The following TRPM6 variants were observed in gnomAD, a reference collection of about 807,000 sequenced individuals.
TRPM6 encodes the protein channel kinase 2.
A neutral mutation model predicts 247.6 loss-of-function variants in TRPM6; 111 were observed. That is an observed-to-expected ratio of 0.45 (90% CI 0.38 to 0.52). TRPM6 has a LOEUF of 0.52. TRPM6 is among the 20% of genes least tolerant of loss of function. The pLI is 0.00. For synonymous variants in TRPM6, 892 were observed against 853.8 expected (o/e 1.04, Z -0.78); for missense variants, 2,126 against 2,421.5 (o/e 0.88, Z 2.56).
chr9:74,875,508 A>C (rs961878186), intron 1 of TRPM6, among the ~76,000 whole-genome samples: 1 of 152,110 alleles, frequency 6.6e-6, no homozygotes, highest in Non-Finnish European at 1.5e-5. Flanking sequence ...GTGCCACTGC[A>C]CTCCAGCCTG....
intron 1 of TRPM6, chr9:74,887,364 T>G (rs1831569442): frequency 4.3e-6 from 6 of 1,390,808 alleles, no homozygotes; most frequent in Non-Finnish European, 5.6e-6. Context: ...CCCCGGCTAG[T>G]CAGCGTCCGG....
At chr9:74,870,752 C>T (rs1830996801) in intron 1 of TRPM6, among the ~76,000 whole-genome samples, 1 of 151,964 alleles carries the variant, frequency 6.6e-6, no homozygotes, top group African/African-American at 2.4e-5. Flanking sequence ...GGTGAAACCC[C>T]ATCTCTACTA....
rs533001944 is a variant in TRPM6 at position 74,725,098 on chromosome 9, G to C, written c.5936-352C>G. 2.0e-5 allele frequency among the ~76,000 whole-genome samples: 3 copies of C among 152,242 alleles called. No homozygotes were observed. The East Asian group carries it at 5.8e-4, about 29-fold the overall frequency. The stretch of plus-strand genomic sequence containing the variant: ...CTGAATGACAGGCAGAGGCAGAGAG[G>C]TCAGCCAAGAAGGCTGACTCCTCAT... On this transcript the variant is annotated intron_variant, in intron 38 of 38. Transcript: ENST00000360774.
At chr9:74,765,718 C>A (rs983793255) in intron 25 of TRPM6, among the ~76,000 whole-genome samples, 2 of 152,136 alleles carry the variant, frequency 1.3e-5, no homozygotes, top group African/African-American at 4.8e-5. Flanking sequence ...AAGCACTTCC[C>A]AAAATAGTGT....
intron 13 of TRPM6, among the ~76,000 whole-genome samples, chr9:74,809,867 C>T (rs1828663381): frequency 1.4e-5 from 2 of 146,404 alleles, no homozygotes; most frequent in South Asian, 4.4e-4. Context: ...GTAGTCCCAG[C>T]TATTCAGGAG....
At chr9:74,826,474 G>A (rs1378011945) in intron 7 of TRPM6, among the ~76,000 whole-genome samples, 2 of 152,184 alleles carry the variant, frequency 1.3e-5, no homozygotes, top group Non-Finnish European at 2.9e-5. Context: ...TTTTGTGGAA[G>A]ATTTAATTCG....
chr9:74,770,780 T>C (rs79476034), intron 25 of TRPM6, among the ~76,000 whole-genome samples: 16,339 of 152,202 alleles, frequency 0.11, 981 homozygotes, highest in South Asian at 0.23. Flanking sequence ...CCTCCACTCC[T>C]GAGTTTCTCC....
intron 25 of TRPM6, among the ~76,000 whole-genome samples, chr9:74,769,835 T>C (rs186314431): frequency 6.1e-4 from 86 of 139,854 alleles, no homozygotes; most frequent in Middle Eastern, 4.2e-3. Context: ...TTCAGTAAAT[T>C]TGCCTGTGTC....
intron 1 of TRPM6, among the ~76,000 whole-genome samples, chr9:74,862,110 A>AAAAAAAAAAAAAAAAC (rs1830706612): frequency 6.6e-6 from 1 of 151,678 alleles, no homozygotes. Flanking sequence ...AAAAAAAAAA[A>AAAAAAAAAAAAAAAAC]AAAAAAAGCA....
chr9:74,735,372 T>G (rs187349631), intron 36 of TRPM6, among the ~76,000 whole-genome samples: 130 of 152,300 alleles, frequency 8.5e-4, no homozygotes, highest in African/African-American at 2.4e-3. Context: ...CAACCCTTTA[T>G]GAGGAACTCA....
At chr9:74,764,305 T>C (rs1031256031) in intron 25 of TRPM6, among the ~76,000 whole-genome samples, 1 of 152,112 alleles carries the variant, frequency 6.6e-6, no homozygotes, top group Non-Finnish European at 1.5e-5. Context: ...CAGATATTGA[T>C]AGAGTAATCA....
intron 7 of TRPM6, among the ~76,000 whole-genome samples, chr9:74,824,560 C>T (rs1318753777): frequency 1.3e-5 from 1 of 78,682 alleles, no homozygotes; most frequent in Non-Finnish European, 3.0e-5. Flanking sequence ...TACTGATACA[C>T]TAATAAAAAT....
At chr9:74,755,263 G>T in intron 28 of TRPM6, 90 bp downstream of exon 28, 1 of 1,349,806 alleles carries the variant, frequency 7.4e-7, no homozygotes, top group South Asian at 1.2e-5. Context: ...CCATGTGAAA[G>T]AACAGGAGGA....
chr9:74,807,773 G>C (rs1412822238), intron 14 of TRPM6, among the ~76,000 whole-genome samples: 2 of 152,074 alleles, frequency 1.3e-5, no homozygotes, highest in African/African-American at 4.8e-5. Context: ...TGTCACTATA[G>C]CATGTATTAT....
chr9:74,750,502 TGGA>T (rs1047154650), intron 30 of TRPM6, among the ~76,000 whole-genome samples, 159 bp downstream of exon 30: 5 of 152,222 alleles, frequency 3.3e-5, no homozygotes, highest in Non-Finnish European at 5.9e-5. Context: ...CAGGAAAACT[TGGA>T]GAAGAAATCA....
chr9:74,860,336 ATTTATTTTTATTTT>A (rs1175425632), intron 1 of TRPM6, among the ~76,000 whole-genome samples: 1 of 151,866 alleles, frequency 6.6e-6, no homozygotes, highest in Non-Finnish European at 1.5e-5. Context: ...TTATTTATTT[ATTTATTTTTATTTT>A]TTTATTTTTT....
rs754117417 is a variant in TRPM6, at chr9:74,796,729, T to G, written c.2391+12A>C. ...ACAATGAAAATTCAGTTCATTATGATTTTGCACTAACCACAGAAGCACTTT... is the reference window on the plus strand; with the variant it reads ...ACAATGAAAATTCAGTTCATTATGAGTTTGCACTAACCACAGAAGCACTTT... On this transcript the variant is annotated intron_variant, in intron 18 of 38. Transcript: ENST00000360774. The G allele has an allele frequency of 8.7e-6, 14 of 1,613,654 alleles. No homozygotes were observed. The highest frequency in any genetic ancestry group is 2.7e-5 in the African/African-American group (2 of 74,908).
At chr9:74,736,912 A>G (rs565639920) in intron 36 of TRPM6, among the ~76,000 whole-genome samples, 74 of 152,306 alleles carry the variant, frequency 4.9e-4, no homozygotes, top group African/African-American at 1.7e-3. Context: ...AATACAAAAC[A>G]CACTGAAGAG....
chr9:74,868,920 A>C (rs573650419), intron 1 of TRPM6, among the ~76,000 whole-genome samples: 19 of 152,306 alleles, frequency 1.2e-4, no homozygotes, highest in Non-Finnish European at 2.5e-4. Flanking sequence ...TGGGGGATAG[A>C]GAATAGAGAC....
Sources: allele counts gnomAD v4.1 joint callset (sites outside exome capture counted in the v4.1 genomes callset), GRCh38; gene constraint gnomAD v4.1.1; transcripts MANE v1.5; gene names NCBI Gene and HGNC (gene_info 2026-07-23, HGNC 2026-07-21).